LPO: variants seen among roughly 807,000 people sequenced by gnomAD.
LPO encodes lactoperoxidase, also known as salivary peroxidase.
LPO carries 70 observed loss-of-function variants against 68.4 expected under a neutral mutation model. The ratio of observed to expected loss-of-function variants is 1.02; its 90% CI spans 0.84 to 1.25. The LOEUF is 1.25. Among genes scored for constraint, LPO ranks in the 50% most tolerant of loss-of-function variants. The pLI, the probability that LPO is intolerant of heterozygous loss-of-function variation, is 0.00. For missense variants in LPO, 873 were observed against 908.4 expected, an observed-to-expected ratio of 0.96 and a Z score of 0.50; for synonymous variants, 360 against 357.6, an observed-to-expected ratio of 1.01 and a Z score of -0.08.
intron 12 of LPO, 90 bp downstream of exon 12, chr17:58,267,676 T>A: frequency 6.9e-7 from 1 of 1,454,794 alleles, no homozygotes; most frequent in Non-Finnish European, 9.5e-7. Context: ...ACTCCGGATC[T>A]CAGTGTGAGT....
chr17:58,255,016 C>CA, intron 9 of LPO, 45 bp downstream of exon 9: 2 of 1,599,036 alleles, frequency 1.3e-6, no homozygotes, highest in South Asian at 2.2e-5. Context: ...ACCTGGCTCC[C>CA]ACTCCTGGCT....
intron 10 of LPO, among the ~76,000 whole-genome samples, chr17:58,265,705 C>T (rs1970249958): frequency 1.3e-5 from 2 of 150,672 alleles, no homozygotes; most frequent in South Asian, 4.2e-4. Flanking sequence ...CCTCAGCCTC[C>T]CTTGTAGCTG....
chr17:58,248,104 G>A (rs1969884899), intron 4 of LPO, among the ~76,000 whole-genome samples: 1 of 152,150 alleles, frequency 6.6e-6, no homozygotes, highest in African/African-American at 2.4e-5. Flanking sequence ...GGAGCTATCA[G>A]TAAGTGAACT....
In LPO at chr17:58,265,648, C is replaced by A. The variant is rs546594565; in HGVS notation, c.1520-505C>A. Among the ~76,000 whole-genome samples, 30 of 137,692 alleles carry A rather than the reference C, an allele frequency of 2.2e-4. No homozygotes were observed. The South Asian group carries it at 7.1e-3, about 33-fold the overall frequency. 90.3% of individuals were successfully genotyped at this position (137,692 alleles called of 152,430 possible). A position where few individuals can be genotyped will look rare whatever the true frequency, so the allele number is the denominator to read the frequency against. On this transcript the variant is annotated intron_variant, in intron 10 of 12. Coordinates refer to ENST00000262290, the MANE Select transcript of LPO (RefSeq NM_006151.3). Reference sequence around the variant, plus strand: ...CCAGGCTGGAGTGCAAGGGCGCAATCTCAGCTCACTGCGGCCTTGACCTCC... The same window carrying A: ...CCAGGCTGGAGTGCAAGGGCGCAATATCAGCTCACTGCGGCCTTGACCTCC...
intron 10 of LPO, 59 bp from the exon 11 acceptor site, chr17:58,266,094 T>G: frequency 2.0e-6 from 3 of 1,534,260 alleles, no homozygotes; most frequent in Non-Finnish European, 2.7e-6. Context: ...AGGCAAGCCA[T>G]GAATGATGTT....
rs1970224735 is a variant in LPO at position 58,264,575 on chromosome 17, G to A, written c.1267-147G>A. On this transcript the variant is annotated intron_variant, in intron 9 of 12. Coordinates refer to ENST00000262290, the MANE Select transcript of LPO (RefSeq NM_006151.3). ...TTAGCAATGTCTGCTATGCTCATAG[G>A]AATGGGAACTGGGCACATATGCTAT... 6.9e-6 allele frequency: 5 copies of A among 726,798 alleles called. No individual in the cohort carries two copies. The South Asian group carries it at 8.8e-5, about 13-fold the overall frequency. The allele number at this position is 726,798 out of a possible 1,614,324, so 45.0% of individuals were successfully genotyped here.
At position 58,252,213 on chromosome 17, in the gene LPO, A is replaced by C. The variant is rs1598025123; in HGVS notation, c.812A>C (p.Gln271Pro). 4 of 1,614,102 alleles carry C rather than the reference A, an allele frequency of 2.5e-6. No homozygotes were observed. Among genetic ancestry groups the C allele is most frequent in the Non-Finnish European group, 3.4e-6 (4 of 1,180,012 alleles). The stretch of plus-strand genomic sequence containing the variant: ...CCCAATGACCCCAAGGCGGGGACTC[A>C]AGGGAAATGCATGCCTTTCTTCCGA... Reference protein sequence around the residue: ...FPPNDPKAGTQGKCMPFFRAG... With the variant: ...FPPNDPKAGTPGKCMPFFRAG... The change falls in exon 8 of 13, where the codon CAA (glutamine) becomes CCA (proline). Residue 271 changes from glutamine to proline, a missense_variant. Coordinates refer to ENST00000262290, the MANE Select transcript of LPO (RefSeq NM_006151.3).
In LPO at chr17:58,267,978, C is replaced by T. The variant is rs777578810; in HGVS notation, c.2123C>T (p.Ala708Val). The T allele has an allele frequency of 3.7e-6, 6 of 1,613,800 alleles. No homozygotes were observed. In the East Asian group the frequency reaches 1.3e-4, roughly 36 times the overall value. Residue 708 changes from alanine to valine, a missense_variant, in exon 13 of 13, where the codon GCC (alanine) becomes GTC (valine). Transcript: ENST00000262290. Reference protein sequence around the residue: ...AIDKLDLSPWASVKN With the variant: ...AIDKLDLSPWVSVKN ...GACAAGCTGGACCTGTCACCCTGGG[C>T]CTCAGTGAAGAATTAGGGGCCCGCG...
At chr17:58,262,288 G>A (rs1465447803) in intron 9 of LPO, among the ~76,000 whole-genome samples, 1 of 152,182 alleles carries the variant, frequency 6.6e-6, no homozygotes, top group Non-Finnish European at 1.5e-5. Context: ...ATTGGATTCA[G>A]GGTTGGTAGT....
intron 8 of LPO, chr17:58,254,447 C>G (rs1970029444): frequency 6.3e-6 from 1 of 158,572 alleles, no homozygotes; most frequent in South Asian, 2.0e-4. Context: ...CGAAGCTCCC[C>G]TTCCTAGAAG....
intron 9 of LPO, 87 bp downstream of exon 9, chr17:58,255,058 C>A: frequency 2.8e-6 from 4 of 1,427,748 alleles, no homozygotes; most frequent in Non-Finnish European, 3.8e-6. Context: ...GCCTCAGGCT[C>A]TCTCCTCTGT....
chr17:58,265,106 C>T, intron 10 of LPO, 132 bp downstream of exon 10: 1 of 1,145,374 alleles, frequency 8.7e-7, no homozygotes, highest in South Asian at 1.6e-5. Context: ...CTCACTGAGC[C>T]TCAGTTTCCT....
At chr17:58,247,678 C>A (rs938505069) in intron 4 of LPO, 40 bp downstream of exon 4, 3 of 1,598,686 alleles carry the variant, frequency 1.9e-6, no homozygotes, top group Non-Finnish European at 1.7e-6. Flanking sequence ...AGGAAGGGGT[C>A]ATCTCCCCAC....
chr17:58,243,226 TTTC>T (rs1218193876), intron 2 of LPO, 171 bp downstream of exon 2: 3 of 601,660 alleles, frequency 5.0e-6, no homozygotes, highest in Non-Finnish European at 8.7e-6. Context: ...GAATGCTTCC[TTTC>T]TTCTTCCAGC....
Position 58,249,060 on chromosome 17 carries a change from A to G in LPO, c.326A>G (p.Asp109Gly), listed in dbSNP as rs200715286. ...RQKASLTNVTDPSLDLTSLSL... is the reference protein window; with the variant it reads ...RQKASLTNVTGPSLDLTSLSL... ...CCCTTTGGGGTCCCTTCTGTTTCAG[A>G]TCCCAGCCTGGACTTGACTTCACTG... is the stretch of plus-strand genomic sequence containing the variant. The change falls in exon 5 of 13, where the codon GAT (aspartate) becomes GGT (glycine). Residue 109 changes from aspartate to glycine, a missense_variant and splice_region_variant. By Grantham distance (94) the Asp-to-Gly change is moderately conservative. Coordinates refer to ENST00000262290, the MANE Select transcript of LPO (RefSeq NM_006151.3). 85 of 1,613,460 alleles carry G rather than the reference A, an allele frequency of 5.3e-5. No homozygotes were observed. The highest frequency in any genetic ancestry group is 7.0e-5 in the Non-Finnish European group (82 of 1,179,528).
In LPO at chr17:58,243,059, A is replaced by G. The variant is rs762836623; in HGVS notation, c.76+4A>G. On this transcript the variant is annotated splice_donor_region_variant and intron_variant, in intron 2 of 12. Coordinates refer to ENST00000262290, the MANE Select transcript of LPO (RefSeq NM_006151.3). Reference sequence around the variant, plus strand: ...GCTGCAGCATCTACCACAAGAGGTGAGTGTCTCCCTTTACGGGTTTTCTGG... The same window carrying G: ...GCTGCAGCATCTACCACAAGAGGTGGGTGTCTCCCTTTACGGGTTTTCTGG... 7.4e-6 allele frequency: 12 copies of G among 1,613,604 alleles called. No individual in the cohort carries two copies. In the Admixed American group the frequency reaches 1.5e-4, roughly 20 times the overall value.
rs764335848 is a variant in LPO at position 58,251,868 on chromosome 17, C to T, written c.781-314C>T. ...GTTGTTAGTAGTAATTATTAACAAA[C>T]CTGTTCCCACCTCGTGTCCTGCTTT... On this transcript the variant is annotated intron_variant, in intron 7 of 12. Coordinates refer to ENST00000262290, the MANE Select transcript of LPO (RefSeq NM_006151.3). The T allele has an allele frequency of 7.7e-5, 48 of 627,322 alleles. 1 individual carries two copies. In the Admixed American group the frequency reaches 8.8e-4, roughly 11 times the overall value. The allele number at this position is 627,322 out of a possible 1,614,324, so 38.9% of individuals were successfully genotyped here.
chr17:58,254,038 C>T (rs1009952436), intron 8 of LPO, among the ~76,000 whole-genome samples: 2 of 151,880 alleles, frequency 1.3e-5, no homozygotes, highest in Non-Finnish European at 1.5e-5. Flanking sequence ...CTTGAGCCCA[C>T]GAGGTTGAGG....
At chr17:58,266,046 C>T (rs1970256637) in intron 10 of LPO, 107 bp from the exon 11 acceptor site, 1 of 1,093,084 alleles carries the variant, frequency 9.1e-7, no homozygotes, top group Non-Finnish European at 1.3e-6. Context: ...GTCCAGGTGA[C>T]CCACATTCAA....
Sources: gnomAD v4.1 joint callset for allele counts (sites outside exome capture counted in the v4.1 genomes callset) on GRCh38, gnomAD v4.1.1 for gene constraint, MANE v1.5 for transcripts, NCBI Gene and HGNC (gene_info 2026-07-23, HGNC 2026-07-21) for gene names.